METTL16: variants seen among roughly 807,000 people sequenced by gnomAD.
METTL16 encodes the protein RNA N(6)-adenosine-methyltransferase METTL16.
Under a neutral mutation model 57.9 loss-of-function variants are expected in METTL16, and 19 were observed. The observed-to-expected ratio is 0.33, with a 90% CI of 0.23 to 0.48. The LOEUF (loss-of-function observed/expected upper bound fraction) is 0.48. METTL16 is among the 20% of genes least tolerant of loss of function. The probability of loss-of-function intolerance (pLI) is 0.99; values close to 1 mark genes in which losing one functional copy is unlikely to be tolerated. For synonymous variants in METTL16, 246 were observed against 255.6 expected (o/e 0.96, Z 0.36); for missense variants, 434 against 691.5 (o/e 0.63, Z 4.18).
At chr17:2,430,918 T>G (rs1231975521) in intron 8 of METTL16, among the ~76,000 whole-genome samples, 2 of 151,988 alleles carry the variant, frequency 1.3e-5, no homozygotes, top group Admixed American at 1.3e-4. Flanking sequence ...AGTATCTGAC[T>G]TCTTTCATGT....
chr17:2,467,032 C>T (rs538396861), intron 5 of METTL16, among the ~76,000 whole-genome samples: 9 of 151,978 alleles, frequency 5.9e-5, no homozygotes, highest in East Asian at 1.9e-4. Flanking sequence ...TTTTGAACTC[C>T]GAGCTCAAGC....
At chr17:2,488,059 T>C (rs982405877) in intron 2 of METTL16, among the ~76,000 whole-genome samples, 1 of 151,604 alleles carries the variant, frequency 6.6e-6, no homozygotes, top group Non-Finnish European at 1.5e-5. Flanking sequence ...ACCTTAAATA[T>C]AGACAATTTC....
chr17:2,447,788 G>A (rs1353787889), intron 6 of METTL16, among the ~76,000 whole-genome samples: 9 of 115,082 alleles, frequency 7.8e-5, no homozygotes, highest in East Asian at 2.7e-4. Flanking sequence ...CAGCCGCCCC[G>A]TCCGGGAGGG....
chr17:2,481,563 G>C (rs1212675999), intron 2 of METTL16, among the ~76,000 whole-genome samples: 1 of 152,138 alleles, frequency 6.6e-6, no homozygotes, highest in Non-Finnish European at 1.5e-5. Flanking sequence ...ACCAAGTTAT[G>C]AGAGTGAATT....
chr17:2,443,549 C>T (rs1016906787), intron 6 of METTL16, among the ~76,000 whole-genome samples: 3 of 150,324 alleles, frequency 2.0e-5, no homozygotes, highest in Admixed American at 6.6e-5. Flanking sequence ...TGCAGTAGCA[C>T]GATCTAGGCT....
At chr17:2,466,635 T>TA (rs2067198941) in intron 5 of METTL16, among the ~76,000 whole-genome samples, 1 of 152,180 alleles carries the variant, frequency 6.6e-6, no homozygotes, top group African/African-American at 2.4e-5. Context: ...CAAGTCCCTT[T>TA]TATCACATGG....
intron 2 of METTL16, 90 bp downstream of exon 2, chr17:2,502,114 G>T: frequency 7.3e-7 from 1 of 1,369,462 alleles, no homozygotes. Context: ...TTAATCAAAT[G>T]TCTAAGATTA....
rs2067260809 is a variant in METTL16 at position 2,475,130 on chromosome 17, TC to T, written c.329-1467del. The T allele has an allele frequency of 2.0e-5, 3 of 152,230 alleles. No individual in the cohort carries two copies. In the South Asian group the frequency reaches 6.2e-4, roughly 32 times the overall value. 9.4% of individuals were successfully genotyped at this position (152,230 alleles called of 1,614,324 possible). ...CTAGATACTCTTAACCCAGAGGAAA[TC>T]CAGACTCGTCATACTGCTTCCTCAT... On this transcript the variant is annotated intron_variant, in intron 3 of 9. Coordinates refer to ENST00000263092, the MANE Select transcript of METTL16 (RefSeq NM_024086.4).
chr17:2,433,763 T>A (rs1330750067), intron 8 of METTL16, among the ~76,000 whole-genome samples: 1 of 152,224 alleles, frequency 6.6e-6, no homozygotes. Context: ...CGCACGATGT[T>A]GCTCTTTAAC....
intron 1 of METTL16, among the ~76,000 whole-genome samples, chr17:2,507,418 G>A (rs1172333571): frequency 1.3e-5 from 2 of 149,426 alleles, no homozygotes; most frequent in Non-Finnish European, 3.0e-5. Flanking sequence ...CCATCCGGGA[G>A]GTGAGGGGTG....
At chr17:2,467,912 T>C (rs750140240) in intron 4 of METTL16, 36 bp from the exon 5 acceptor site, 7 of 1,422,344 alleles carry the variant, frequency 4.9e-6, no homozygotes, top group South Asian at 3.4e-5. Flanking sequence ...CTAATATTAA[T>C]GTTGCAGTGG....
intron 6 of METTL16, among the ~76,000 whole-genome samples, chr17:2,446,803 CA>C (rs1182597403): frequency 6.6e-6 from 1 of 152,158 alleles, no homozygotes; most frequent in African/African-American, 2.4e-5. Context: ...GGCTGGTCTC[CA>C]GCTCCTAGCC....
chr17:2,481,121 G>A (rs1336012519), intron 2 of METTL16, among the ~76,000 whole-genome samples: 6 of 151,770 alleles, frequency 4.0e-5, no homozygotes, highest in Admixed American at 6.6e-5. Context: ...TTGCAGAATT[G>A]CTTGGACCTG....
At chr17:2,448,733 T>A (rs1597449131) in intron 6 of METTL16, among the ~76,000 whole-genome samples, 3 of 69,616 alleles carry the variant, frequency 4.3e-5, no homozygotes, top group Admixed American at 1.7e-4. Context: ...CACCCAAGAA[T>A]GATCAATAAA....
At chr17:2,499,293 T>G (rs2067469969) in intron 2 of METTL16, among the ~76,000 whole-genome samples, 1 of 151,278 alleles carries the variant, frequency 6.6e-6, no homozygotes, top group South Asian at 2.1e-4. Flanking sequence ...AGTACAATAG[T>G]AAGTATAGAG....
chr17:2,424,864 C>T (rs1196769321), intron 8 of METTL16, among the ~76,000 whole-genome samples: 2 of 151,846 alleles, frequency 1.3e-5, no homozygotes, highest in African/African-American at 4.8e-5. Context: ...GGGAGAATGG[C>T]GTGAACCCGG....
intron 2 of METTL16, among the ~76,000 whole-genome samples, chr17:2,493,126 C>CTTT (rs201893707): frequency 5.8e-5 from 8 of 138,486 alleles, no homozygotes; most frequent in Middle Eastern, 3.7e-3. Flanking sequence ...TTTGGTGATT[C>CTTT]TTCTTTTTTT....
intron 6 of METTL16, among the ~76,000 whole-genome samples, chr17:2,453,312 G>T (rs536338668): frequency 5.3e-5 from 8 of 152,182 alleles, no homozygotes; most frequent in Non-Finnish European, 1.2e-4. Flanking sequence ...CCTTAGGATT[G>T]CGAATTTCAT....
intron 6 of METTL16, among the ~76,000 whole-genome samples, chr17:2,462,199 T>A (rs927929292): frequency 6.6e-6 from 1 of 152,110 alleles, no homozygotes; most frequent in Non-Finnish European, 1.5e-5. Context: ...CTTGAAAACA[T>A]GACGAAAAGT....
Sources: gnomAD v4.1 joint callset for allele counts (sites outside exome capture counted in the v4.1 genomes callset) on GRCh38, gnomAD v4.1.1 for gene constraint, MANE v1.5 for transcripts, NCBI Gene and HGNC (gene_info 2026-07-23, HGNC 2026-07-21) for gene names.